The following CNST variants were observed in gnomAD, a reference collection of about 807,000 sequenced individuals.
CNST encodes consortin, connexin sorting protein.
In CNST, 39 loss-of-function variants were observed where a neutral mutation model predicts 72.4. The ratio of observed to expected loss-of-function variants is 0.54; its 90% CI spans 0.42 to 0.70. The LOEUF (loss-of-function observed/expected upper bound fraction) is 0.70, where lower values mean the gene tolerates loss of function less well. Among genes scored for constraint, CNST ranks in the 30% least tolerant of loss-of-function variants. CNST has a pLI of 0.00. For missense variants in CNST, 871 were observed against 868.5 expected, an observed-to-expected ratio of 1.00 and a Z score of -0.04; for synonymous variants, 332 against 320.1, an observed-to-expected ratio of 1.04 and a Z score of -0.40.
At chr1:246,664,879 AT>A (rs973615026) in intron 10 of CNST, among the ~76,000 whole-genome samples, 1 of 152,120 alleles carries the variant, frequency 6.6e-6, no homozygotes. Context: ...TGAAATTAAA[AT>A]TTTTTTTAAA....
rs1043203365 is a variant in CNST at position 246,621,508 on chromosome 1, A to T, written c.459A>T (p.Glu153Asp). ...SAVTYAVDDE[E>D]AAEVNANEQP... ...TCACATATGCTGTTGATGATGAAGA[A>T]GCTGCTGAAGTAAATGCTAATGAGC... The change falls in exon 3 of 11, where the codon GAA (glutamate) becomes GAT (aspartate). Residue 153 changes from glutamate to aspartate, a missense_variant. By Grantham distance (45) the Glu-to-Asp change is conservative. Coordinates refer to ENST00000366513, the MANE Select transcript of CNST (RefSeq NM_152609.3). The T allele has an allele frequency of 1.6e-5, 26 of 1,614,148 alleles. No homozygotes were observed. The highest frequency in any genetic ancestry group is 2.2e-5 in the Non-Finnish European group (26 of 1,179,962).
At chr1:246,568,001 T>A (rs12748061) in intron 1 of CNST, among the ~76,000 whole-genome samples, 55,175 of 151,678 alleles carry the variant, frequency 0.36, 10,732 homozygotes, top group East Asian at 0.66. Context: ...TCTGACTTTT[T>A]AAAAAAAACA....
intron 1 of CNST, among the ~76,000 whole-genome samples, chr1:246,569,247 T>G (rs1659912723): frequency 6.6e-6 from 1 of 152,250 alleles, no homozygotes; most frequent in Non-Finnish European, 1.5e-5. Context: ...ATCTTATATA[T>G]GTTATTTTAA....
chr1:246,648,241 T>C, intron 9 of CNST: 1 of 1,340,156 alleles, frequency 7.5e-7, no homozygotes. Context: ...ATGTTCATAC[T>C]ACAAGATGTT....
At chr1:246,662,029 A>G (rs895278019) in intron 10 of CNST, among the ~76,000 whole-genome samples, 9 of 152,264 alleles carry the variant, frequency 5.9e-5, no homozygotes, top group Non-Finnish European at 1.3e-4. Flanking sequence ...TAGCCACCTC[A>G]TCTTAAACTA....
intron 2 of CNST, among the ~76,000 whole-genome samples, chr1:246,597,419 C>T (rs1661963471): frequency 6.6e-6 from 1 of 152,144 alleles, no homozygotes; most frequent in Admixed American, 6.5e-5. Flanking sequence ...ACCACTGTCC[C>T]ATAAAGTTTG....
intron 9 of CNST, among the ~76,000 whole-genome samples, chr1:246,658,739 C>T (rs554438346): frequency 9.7e-6 from 1 of 102,820 alleles, no homozygotes; most frequent in African/African-American, 2.8e-5. Flanking sequence ...CAGCAAGTCA[C>T]TGGCCTGATG....
rs192761984 is a variant in CNST, at chr1:246,646,445, C to G, written c.938-694C>G. Reference sequence around the variant, plus strand: ...TGATGAATGTGTTACTGAGGTTCATCATGTAAAAATATTTACTTAATACAC... The same window carrying G: ...TGATGAATGTGTTACTGAGGTTCATGATGTAAAAATATTTACTTAATACAC... On this transcript the variant is annotated intron_variant, in intron 8 of 10. Transcript: ENST00000366513. Among the ~76,000 whole-genome samples, 378 of 152,170 alleles carry G rather than the reference C, an allele frequency of 2.5e-3. 1 individual carries two copies. Among genetic ancestry groups the G allele is most frequent in the Non-Finnish European group, 2.2e-3 (152 of 67,998 alleles).
intron 1 of CNST, among the ~76,000 whole-genome samples, chr1:246,580,935 C>T (rs1178414061): frequency 6.6e-6 from 1 of 151,886 alleles, no homozygotes; most frequent in Non-Finnish European, 1.5e-5. Context: ...GACGGGATTT[C>T]ACCATGTTGG....
rs770728426 is a variant in CNST, at chr1:246,579,240, C to T, written c.-51-12272C>T. ...GTGAATTGATGTTACCAGAGAGTGT[C>T]CATTTATCATCCTGTGACTTTGCAG... On this transcript the variant is annotated intron_variant, in intron 1 of 10. Coordinates refer to ENST00000366513, the MANE Select transcript of CNST (RefSeq NM_152609.3). Among the ~76,000 whole-genome samples, 4 of 152,304 alleles carry T rather than the reference C, an allele frequency of 2.6e-5. 1 individual carries two copies. Among genetic ancestry groups the T allele is most frequent in the African/African-American group, 7.2e-5 (3 of 41,564 alleles).
At chr1:246,637,023 C>T (rs1384731303) in intron 6 of CNST, among the ~76,000 whole-genome samples, 5 of 152,160 alleles carry the variant, frequency 3.3e-5, no homozygotes, top group Admixed American at 6.5e-5. Flanking sequence ...GGCACAGCAT[C>T]GGATTGGGTA....
At chr1:246,659,430 T>TA (rs1666957525) in intron 9 of CNST, among the ~76,000 whole-genome samples, 8 of 152,020 alleles carry the variant, frequency 5.3e-5, no homozygotes, top group Non-Finnish European at 8.8e-5. Flanking sequence ...CCGTCTCTAC[T>TA]GAAAATACAA....
At chr1:246,636,135 GA>G (rs1407364057) in intron 6 of CNST, among the ~76,000 whole-genome samples, 1 of 152,156 alleles carries the variant, frequency 6.6e-6, no homozygotes, top group Non-Finnish European at 1.5e-5. Context: ...TTTTTGACAA[GA>G]CACAATTGAG....
chr1:246,644,355 C>T (rs1665908416), intron 8 of CNST, among the ~76,000 whole-genome samples: 1 of 143,216 alleles, frequency 7.0e-6, no homozygotes, highest in Non-Finnish European at 1.5e-5. Context: ...CGCCACTGCG[C>T]TCCGCCTGGG....
chr1:246,655,026 A>G (rs941804754), intron 9 of CNST, among the ~76,000 whole-genome samples: 1 of 152,240 alleles, frequency 6.6e-6, no homozygotes, highest in African/African-American at 2.4e-5. Context: ...AGGTCAGGGG[A>G]TTTAAAGTAA....
chr1:246,663,825 C>T (rs761183162), intron 10 of CNST, among the ~76,000 whole-genome samples: 2 of 151,992 alleles, frequency 1.3e-5, no homozygotes, highest in Non-Finnish European at 2.9e-5. Context: ...TGAAATCATA[C>T]GTGTTTGATC....
chr1:246,596,706 A>G (rs1661912181), intron 2 of CNST, among the ~76,000 whole-genome samples: 1 of 152,202 alleles, frequency 6.6e-6, no homozygotes, highest in Admixed American at 6.5e-5. Context: ...AGCCACTTAC[A>G]TATTAGCACC....
At chr1:246,598,776 G>C (rs1251186574) in intron 2 of CNST, among the ~76,000 whole-genome samples, 1 of 152,152 alleles carries the variant, frequency 6.6e-6, no homozygotes, top group African/African-American at 2.4e-5. Context: ...TTTTTAAAAT[G>C]TAAATGCCTG....
chr1:246,664,644 T>A (rs918203752), intron 10 of CNST, among the ~76,000 whole-genome samples: 3 of 151,738 alleles, frequency 2.0e-5, no homozygotes, highest in South Asian at 4.1e-4. Flanking sequence ...GCCAGGATGG[T>A]CTCGATCTCC....
Sources: gnomAD v4.1 joint callset for allele counts (sites outside exome capture counted in the v4.1 genomes callset) on GRCh38, gnomAD v4.1.1 for gene constraint, MANE v1.5 for transcripts, NCBI Gene and HGNC (gene_info 2026-07-23, HGNC 2026-07-21) for gene names.